The following POFUT3 variants were observed in gnomAD, a reference collection of about 807,000 sequenced individuals.
POFUT3 encodes the protein protein O-fucosyltransferase 3.
chr8:33,398,480 A>C, the POFUT3 span, among the ~76,000 whole-genome samples: 1 of 152,040 alleles, frequency 6.6e-6, no homozygotes, highest in Non-Finnish European at 1.5e-5. Context: ...TAATAATCAC[A>C]TTTTCTCTTA....
chr8:33,446,887 C>G, the POFUT3 span, among the ~76,000 whole-genome samples: 8 of 152,174 alleles, frequency 5.3e-5, no homozygotes, highest in African/African-American at 1.9e-4. Flanking sequence ...CCTTGAGAGG[C>G]CCTGCCTGAA....
chr8:33,374,868 C>T, the POFUT3 span, among the ~76,000 whole-genome samples: 171 of 139,964 alleles, frequency 1.2e-3, 1 homozygote, highest in African/African-American at 3.9e-3. Flanking sequence ...TCTTTTTTTT[C>T]TTTTCTTTTC....
At chr8:33,419,316 T>G in the POFUT3 span, among the ~76,000 whole-genome samples, 1 of 152,244 alleles carries the variant, frequency 6.6e-6, no homozygotes, top group Non-Finnish European at 1.5e-5. Flanking sequence ...ACTGGTTTCA[T>G]GGAAGACAAT....
the POFUT3 span, among the ~76,000 whole-genome samples, chr8:33,424,467 A>C: frequency 6.6e-6 from 1 of 152,154 alleles, no homozygotes; most frequent in African/African-American, 2.4e-5. Flanking sequence ...TACCAGCAAG[A>C]AGTAATTGTT....
At chr8:33,358,920 G>A in the POFUT3 span, among the ~76,000 whole-genome samples, 1 of 152,006 alleles carries the variant, frequency 6.6e-6, no homozygotes, top group Admixed American at 6.6e-5. Flanking sequence ...GGTTGTTTAT[G>A]AACCAGGAAG....
At chr8:33,402,272 G>T in the POFUT3 span, among the ~76,000 whole-genome samples, 1 of 152,136 alleles carries the variant, frequency 6.6e-6, no homozygotes, top group African/African-American at 2.4e-5. Context: ...TAATGATCAA[G>T]ATACCAACCG....
At chr8:33,380,078 C>CTATA in the POFUT3 span, among the ~76,000 whole-genome samples, 92 of 48,126 alleles carry the variant, frequency 1.9e-3, 13 homozygotes, top group African/African-American at 0.011. Flanking sequence ...TATATATACA[C>CTATA]TATATATACT....
chr8:33,347,650 A>T, the POFUT3 span, among the ~76,000 whole-genome samples: 1 of 152,248 alleles, frequency 6.6e-6, no homozygotes. Context: ...TCATTCATTG[A>T]TGGATTCTGC....
chr8:33,335,783 A>G, the POFUT3 span, among the ~76,000 whole-genome samples: 1 of 152,214 alleles, frequency 6.6e-6, no homozygotes, highest in Non-Finnish European at 1.5e-5. Flanking sequence ...AATTAAGAAA[A>G]TCATCAAAAA....
the POFUT3 span, among the ~76,000 whole-genome samples, chr8:33,347,608 T>C: frequency 2.6e-5 from 4 of 152,206 alleles, no homozygotes; most frequent in African/African-American, 9.6e-5. Flanking sequence ...GAACTGGCAA[T>C]AGAAGTATAG....
the POFUT3 span, among the ~76,000 whole-genome samples, chr8:33,326,457 GC>G: frequency 6.6e-6 from 1 of 152,178 alleles, no homozygotes; most frequent in South Asian, 2.1e-4. Context: ...ATTACATATA[GC>G]TCATTTAATT....
chr8:33,357,966 G>C, the POFUT3 span, among the ~76,000 whole-genome samples: 1 of 152,174 alleles, frequency 6.6e-6, no homozygotes, highest in African/African-American at 2.4e-5. Context: ...ACAAGACAAG[G>C]CTGGGCACAG....
chr8:33,453,364 C>T, the POFUT3 span: 3 of 1,614,152 alleles, frequency 1.9e-6, no homozygotes, highest in South Asian at 3.3e-5. Flanking sequence ...TGTCCAATTC[C>T]CATTTTCTTT....
At chr8:33,365,074 G>C in the POFUT3 span, among the ~76,000 whole-genome samples, 1 of 152,124 alleles carries the variant, frequency 6.6e-6, no homozygotes, top group African/African-American at 2.4e-5. Context: ...TAGACCAATG[G>C]AACAGAACAG....
the POFUT3 span, among the ~76,000 whole-genome samples, chr8:33,324,011 G>C: frequency 6.6e-6 from 1 of 152,172 alleles, no homozygotes. Flanking sequence ...ATCAGGGCTG[G>C]GTGGTGGGAA....
At chr8:33,318,613 GTATATATATTTATATAATATAT>G in the POFUT3 span, among the ~76,000 whole-genome samples, 1 of 71,794 alleles carries the variant, frequency 1.4e-5, no homozygotes, top group Non-Finnish European at 2.3e-5. Context: ...TAAATATATT[GTATATATATTTATATAATATAT>G]AAATATATTG....
chr8:33,362,294 G>T, the POFUT3 span, among the ~76,000 whole-genome samples: 1 of 151,922 alleles, frequency 6.6e-6, no homozygotes, highest in South Asian at 2.1e-4. Context: ...GAAACAACCC[G>T]TACAAGCCAC....
the POFUT3 span, among the ~76,000 whole-genome samples, chr8:33,459,518 T>C: frequency 5.9e-5 from 9 of 151,630 alleles, no homozygotes; most frequent in Admixed American, 5.3e-4. Context: ...AGTACACACC[T>C]ATAGTCTCAG....
At chr8:33,316,794 T>C in the POFUT3 span, among the ~76,000 whole-genome samples, 1 of 151,866 alleles carries the variant, frequency 6.6e-6, no homozygotes, top group East Asian at 1.9e-4. Flanking sequence ...TCTGTGAATG[T>C]GAGGCAAGGT....
Sources: allele counts gnomAD v4.1 joint callset (sites outside exome capture counted in the v4.1 genomes callset), GRCh38; gene constraint gnomAD v4.1.1; transcripts MANE v1.5; gene names NCBI Gene and HGNC (gene_info 2026-07-23, HGNC 2026-07-21).